Variants in RNF111 observed in about 807,000 individuals in gnomAD.
RNF111 encodes ring finger protein 111, also known as E3 ubiquitin-protein ligase Arkadia.
In RNF111, 17 loss-of-function variants were observed where a neutral mutation model predicts 95.1. The observed-to-expected ratio is 0.18, with a 90% confidence interval of 0.12 to 0.27. The LOEUF (loss-of-function observed/expected upper bound fraction) is 0.27, where lower values mean the gene tolerates loss of function less well. Ranked by LOEUF, RNF111 falls within the 10% of genes least tolerant of loss-of-function variation. The pLI, the probability that RNF111 is intolerant of heterozygous loss-of-function variation, is 1.00. For missense variants in RNF111, 1,189 were observed against 1,210.4 expected (o/e 0.98, Z 0.26); for synonymous variants, 440 against 414.8 (o/e 1.06, Z -0.74).
At chr15:58,992,068 T>C (rs565015898) in intron 1 of RNF111, among the ~76,000 whole-genome samples, 34 of 152,298 alleles carry the variant, frequency 2.2e-4, no homozygotes, top group African/African-American at 7.0e-4. Flanking sequence ...TATTTTGAGA[T>C]GGAGTTTCCC....
intron 2 of RNF111, among the ~76,000 whole-genome samples, chr15:59,048,500 ATTGGAAATGTTC>A: frequency 6.6e-6 from 1 of 152,316 alleles, no homozygotes; most frequent in East Asian, 1.9e-4. Context: ...TTTTGGGGTT[ATTGGAAATGTTC>A]TTAAACTGGA....
At chr15:58,994,874 T>A (rs1174279599) in intron 1 of RNF111, among the ~76,000 whole-genome samples, 1 of 152,256 alleles carries the variant, frequency 6.6e-6, no homozygotes. Context: ...TGTATTCTTT[T>A]GCGTTATCAC....
At chr15:59,006,215 A>G (rs1221049017) in intron 1 of RNF111, among the ~76,000 whole-genome samples, 1 of 152,232 alleles carries the variant, frequency 6.6e-6, no homozygotes, top group East Asian at 1.9e-4. Flanking sequence ...TGTTTGATGT[A>G]TAATTTATAT....
chr15:59,000,433 C>T (rs780134458), intron 1 of RNF111, among the ~76,000 whole-genome samples: 49 of 152,062 alleles, frequency 3.2e-4, no homozygotes, highest in Admixed American at 4.6e-4. Context: ...ACCTCAGGAC[C>T]GGGCCTGGTG....
intron 6 of RNF111, among the ~76,000 whole-genome samples, chr15:59,071,672 G>A (rs1401830425): frequency 1.3e-5 from 2 of 151,508 alleles, no homozygotes; most frequent in Non-Finnish European, 2.9e-5. Context: ...TCCAGCCTGG[G>A]TAACAGAGAT....
rs200316505 is a variant in RNF111, at chr15:59,076,258, A to G, written c.1948+43A>G. 121 of 1,585,786 alleles carry G rather than the reference A, an allele frequency of 7.6e-5. 1 individual carries two copies. The highest frequency in any genetic ancestry group is 5.2e-4 in the African/African-American group (39 of 74,314). ...GGACACAAAATCTAGAGTCATGTCA[A>G]TGAAGCATTTTGTACTTCCTTATGA... On this transcript the variant is annotated intron_variant, in intron 7 of 13. Transcript: ENST00000348370.
At chr15:59,036,094 A>T (rs1219628498) in intron 2 of RNF111, among the ~76,000 whole-genome samples, 5 of 151,926 alleles carry the variant, frequency 3.3e-5, no homozygotes, top group African/African-American at 9.7e-5. Flanking sequence ...TATTTTTTTG[A>T]GACAGTCTTA....
At chr15:59,056,811 CAGTT>C (rs768462078) in intron 4 of RNF111, among the ~76,000 whole-genome samples, 74 of 152,080 alleles carry the variant, frequency 4.9e-4, no homozygotes, top group Non-Finnish European at 9.9e-4. Flanking sequence ...AATGATTACT[CAGTT>C]AATTAAATAT....
At chr15:59,075,751 T>C (rs1272518688) in intron 6 of RNF111, among the ~76,000 whole-genome samples, 2 of 152,230 alleles carry the variant, frequency 1.3e-5, no homozygotes, top group South Asian at 2.1e-4. Context: ...ACTACAGTTT[T>C]CACAATCCAG....
In RNF111 at chr15:59,066,856, T is replaced by C. The variant is rs2042679516; in HGVS notation, c.1459T>C (p.Cys487Arg). Residue 487 changes from cysteine to arginine, a missense_variant, in exon 6 of 14, where the codon TGT (cysteine) becomes CGT (arginine). Physicochemically the swap from Cys to Arg is radical, Grantham distance 180 (BLOSUM62 -3). Around this residue, in one of 2 missense-constraint regions of RNF111, gnomAD observed 1,024 missense variants for 925.9 expected, o/e 1.11. Transcript: ENST00000348370. ...LPSCCPQHSP[C>R]GGSSQNHHAL... ...TTCCTGCTGTCCCCAGCACTCACCA[T>C]GTGGAGGGTCGTCACAGAACCACCA... 2 of 1,614,120 alleles carry C rather than the reference T, an allele frequency of 1.2e-6. No homozygotes were observed. Among genetic ancestry groups the C allele is most frequent in the African/African-American group, 1.3e-5 (1 of 75,020 alleles).
intron 1 of RNF111, among the ~76,000 whole-genome samples, chr15:59,017,947 C>T (rs34718679): frequency 0.32 from 49,063 of 151,244 alleles, 8,054 homozygotes; most frequent in East Asian, 0.45. Flanking sequence ...TTGGTAGAGA[C>T]GGGGTTTCAT....
intron 1 of RNF111, among the ~76,000 whole-genome samples, chr15:59,024,639 G>A (rs2040510239): frequency 6.6e-6 from 1 of 152,086 alleles, no homozygotes; most frequent in South Asian, 2.1e-4. Context: ...GCCTTTCCAG[G>A]ATAATGTTTT....
intron 1 of RNF111, among the ~76,000 whole-genome samples, chr15:59,016,701 T>A (rs560320330): frequency 7.2e-5 from 11 of 152,308 alleles, no homozygotes; most frequent in Non-Finnish European, 1.3e-4. Flanking sequence ...CAAAGAGTTC[T>A]GTATAGCAGG....
intron 5 of RNF111, among the ~76,000 whole-genome samples, chr15:59,059,974 A>G (rs560228881): frequency 1.3e-5 from 2 of 152,356 alleles, no homozygotes; most frequent in Admixed American, 6.5e-5. Flanking sequence ...TTAGAAAACT[A>G]CATGTGGCTG....
At chr15:58,991,019 G>T (rs2038791512) in intron 1 of RNF111, among the ~76,000 whole-genome samples, 1 of 152,068 alleles carries the variant, frequency 6.6e-6, no homozygotes, top group South Asian at 2.1e-4. Flanking sequence ...GCTGAGGCTG[G>T]GTGCGCTTGC....
chr15:59,082,692 A>G (rs1409400780), intron 8 of RNF111, among the ~76,000 whole-genome samples: 1 of 152,168 alleles, frequency 6.6e-6, no homozygotes, highest in Non-Finnish European at 1.5e-5. Context: ...TACAACAGAG[A>G]ACATACGGCC....
At chr15:59,064,061 T>A (rs1338513459) in intron 5 of RNF111, among the ~76,000 whole-genome samples, 2 of 152,188 alleles carry the variant, frequency 1.3e-5, no homozygotes, top group African/African-American at 4.8e-5. Context: ...TATTATAATT[T>A]ATAGGAAACA....
At chr15:59,091,905 A>G (rs762647490) in intron 12 of RNF111, among the ~76,000 whole-genome samples, 2 of 152,216 alleles carry the variant, frequency 1.3e-5, no homozygotes, top group Admixed American at 6.5e-5. Context: ...TCACGCTTCT[A>G]TGAGAATCTA....
chr15:59,044,456 G>T (rs2041615027), intron 2 of RNF111, among the ~76,000 whole-genome samples: 1 of 152,280 alleles, frequency 6.6e-6, no homozygotes, highest in Non-Finnish European at 1.5e-5. Context: ...TCTCTTACCA[G>T]GAAATAGAAA....
Sources: allele counts gnomAD v4.1 joint callset (sites outside exome capture counted in the v4.1 genomes callset), GRCh38; gene constraint gnomAD v4.1.1; regional missense constraint gnomAD v4.1.1; transcripts MANE v1.5; gene names NCBI Gene and HGNC (gene_info 2026-07-23, HGNC 2026-07-21).